Variants in KCTD16 observed in about 807,000 individuals in gnomAD.
KCTD16 encodes the protein potassium channel tetramerization domain containing 16.
KCTD16 carries 13 observed loss-of-function variants against 33.2 expected under a neutral mutation model. That is an observed-to-expected ratio of 0.39 (90% CI 0.25 to 0.62). The LOEUF (loss-of-function observed/expected upper bound fraction) is 0.62. Ranked by LOEUF, KCTD16 falls within the 20% of genes least tolerant of loss-of-function variation. KCTD16 has a pLI of 0.50. For missense variants in KCTD16, 441 were observed against 525.1 expected (o/e 0.84, Z 1.57); for synonymous variants, 197 against 195.3 (o/e 1.01, Z -0.07).
rs1752323965 is a variant in KCTD16, at chr5:144,386,336, A to G, written c.833-87324A>G. Among the ~76,000 whole-genome samples, 3 of 152,164 alleles carry G rather than the reference A, an allele frequency of 2.0e-5. No individual in the cohort carries two copies. In the South Asian group the frequency reaches 6.2e-4, roughly 32 times the overall value. On this transcript the variant is annotated intron_variant, in intron 3 of 3. Transcript: ENST00000512467. ...TCCAGGGAACCCCAAATACTTTCAT[A>G]AAGTTAGTAGCAAGAGGAGTTTCTT...
At chr5:144,181,057 C>G (rs1004961400) in intron 2 of KCTD16, among the ~76,000 whole-genome samples, 2 of 151,982 alleles carry the variant, frequency 1.3e-5, no homozygotes, top group Non-Finnish European at 2.9e-5. Context: ...CTCAGCCTCC[C>G]GAGTAGCTGG....
In KCTD16 at chr5:144,224,115, G is replaced by A. The variant is rs191872142; in HGVS notation, c.832+16569G>A. Among the ~76,000 whole-genome samples the A allele has an allele frequency of 3.5e-3, 534 of 152,120 alleles. 3 individuals are homozygous for A. The highest frequency in any genetic ancestry group is 0.012 in the African/African-American group (514 of 41,506). On this transcript the variant is annotated intron_variant, in intron 3 of 3. Coordinates refer to ENST00000512467, the MANE Select transcript of KCTD16 (RefSeq NM_020768.4). ...GTTCTCAGAACAAGTCTACATGAAG[G>A]CAATTATTAGAAAAATTAAACGGCA...
intron 2 of KCTD16, among the ~76,000 whole-genome samples, chr5:144,198,093 A>C (rs1322200392): frequency 6.6e-6 from 1 of 152,162 alleles, no homozygotes; most frequent in Non-Finnish European, 1.5e-5. Context: ...CTCGGACCTG[A>C]CCAAATGAAA....
At chr5:144,377,124 T>A (rs1461574184) in intron 3 of KCTD16, among the ~76,000 whole-genome samples, 1 of 152,224 alleles carries the variant, frequency 6.6e-6, no homozygotes, top group East Asian at 1.9e-4. Context: ...ATTATAGCTC[T>A]CCAATGCTGG....
intron 3 of KCTD16, among the ~76,000 whole-genome samples, chr5:144,396,062 A>G (rs1191152104): frequency 6.6e-6 from 1 of 151,988 alleles, no homozygotes; most frequent in Non-Finnish European, 1.5e-5. Flanking sequence ...AAAATTGCAA[A>G]CCCTGCTCTA....
At chr5:144,302,648 G>T (rs10052570) in intron 3 of KCTD16, among the ~76,000 whole-genome samples, 18,264 of 152,122 alleles carry the variant, frequency 0.12, 2,869 homozygotes, top group African/African-American at 0.36. Context: ...ATTATCGTAC[G>T]TCAAATACAG....
At chr5:144,256,172 C>G (rs1021795257) in intron 3 of KCTD16, among the ~76,000 whole-genome samples, 51 of 152,182 alleles carry the variant, frequency 3.4e-4, no homozygotes, top group African/African-American at 1.2e-3. Flanking sequence ...AACTAAACTC[C>G]TTTCCTCACG....
At chr5:144,171,211 A>G (rs911711712) in intron 1 of KCTD16, among the ~76,000 whole-genome samples, 1 of 152,164 alleles carries the variant, frequency 6.6e-6, no homozygotes, top group Non-Finnish European at 1.5e-5. Context: ...AATTGCTACT[A>G]ATATTCTTTA....
intron 3 of KCTD16, among the ~76,000 whole-genome samples, chr5:144,277,322 G>C (rs1214396796): frequency 1.3e-5 from 2 of 152,218 alleles, no homozygotes; most frequent in East Asian, 3.9e-4. Flanking sequence ...TGATGGTGAT[G>C]AGACTGCTCC....
At chr5:144,279,481 T>C (rs751743376) in intron 3 of KCTD16, among the ~76,000 whole-genome samples, 1 of 152,230 alleles carries the variant, frequency 6.6e-6, no homozygotes, top group Non-Finnish European at 1.5e-5. Flanking sequence ...TTTTAGTCCA[T>C]GTTGAGCTGC....
chr5:144,359,268 A>G (rs1268963612), intron 3 of KCTD16, among the ~76,000 whole-genome samples: 1 of 152,166 alleles, frequency 6.6e-6, no homozygotes, highest in Non-Finnish European at 1.5e-5. Context: ...TAAACACTTC[A>G]GAATGTTTTC....
intron 3 of KCTD16, among the ~76,000 whole-genome samples, chr5:144,409,498 A>G (rs576569735): frequency 2.0e-5 from 3 of 152,044 alleles, no homozygotes; most frequent in Non-Finnish European, 4.4e-5. Context: ...TTGGGGAAAC[A>G]GCAATGAGCA....
intron 3 of KCTD16, among the ~76,000 whole-genome samples, chr5:144,290,090 G>A (rs139250304): frequency 6.6e-6 from 1 of 152,236 alleles, no homozygotes; most frequent in East Asian, 1.9e-4. Flanking sequence ...AGACCAGCCT[G>A]GGCAACATGG....
chr5:144,270,169 C>T (rs1234695952), intron 3 of KCTD16, among the ~76,000 whole-genome samples: 1 of 151,876 alleles, frequency 6.6e-6, no homozygotes, highest in African/African-American at 2.4e-5. Flanking sequence ...GTGAATTAAA[C>T]TTTATATTCA....
intron 3 of KCTD16, among the ~76,000 whole-genome samples, chr5:144,350,077 G>C (rs755693030): frequency 6.6e-6 from 1 of 152,168 alleles, no homozygotes; most frequent in African/African-American, 2.4e-5. Context: ...GGACTCCCCA[G>C]TTTGGGCCAC....
chr5:144,399,612 T>C (rs1039515037), intron 3 of KCTD16, among the ~76,000 whole-genome samples: 1 of 152,222 alleles, frequency 6.6e-6, no homozygotes, highest in Non-Finnish European at 1.5e-5. Context: ...ATTTCATTGA[T>C]AGCTAGTCTA....
At chr5:144,297,717 T>A (rs1322998311) in intron 3 of KCTD16, among the ~76,000 whole-genome samples, 1 of 152,156 alleles carries the variant, frequency 6.6e-6, no homozygotes, top group Non-Finnish European at 1.5e-5. Context: ...AGAGAGCTCA[T>A]TAAAATGCTA....
At position 144,278,812 on chromosome 5, in the gene KCTD16, A is replaced by G. The variant is rs538605974; in HGVS notation, c.832+71266A>G. Among the ~76,000 whole-genome samples the G allele has an allele frequency of 2.0e-5, 3 of 152,286 alleles. No individual in the cohort carries two copies. The South Asian group carries it at 6.2e-4, about 32-fold the overall frequency. On this transcript the variant is annotated intron_variant, in intron 3 of 3. Transcript: ENST00000512467. ...GTGCCTGGCCGTTAGTCTTCTTATT[A>G]AAAAATTAGAAACAGCTTGTCACTA...
intron 3 of KCTD16, among the ~76,000 whole-genome samples, chr5:144,332,047 A>G (rs569433067): frequency 6.6e-6 from 1 of 152,308 alleles, no homozygotes; most frequent in Non-Finnish European, 1.5e-5. Flanking sequence ...ACTGCTGGCA[A>G]AAGACAACAG....
Sources: gnomAD v4.1 joint callset for allele counts (sites outside exome capture counted in the v4.1 genomes callset) on GRCh38, gnomAD v4.1.1 for gene constraint, MANE v1.5 for transcripts, NCBI Gene and HGNC (gene_info 2026-07-23, HGNC 2026-07-21) for gene names.